Variants in PRICKLE2 observed in about 807,000 individuals in gnomAD.
The protein encoded by PRICKLE2 is prickle planar cell polarity protein 2.
Under a neutral mutation model 81.4 loss-of-function variants are expected in PRICKLE2, and 21 were observed. That is an observed-to-expected ratio of 0.26 (90% confidence interval 0.18 to 0.37). PRICKLE2 has a LOEUF of 0.37. Ranked by LOEUF, PRICKLE2 falls within the 10% of genes least tolerant of loss-of-function variation. The probability of loss-of-function intolerance (pLI) is 1.00; values close to 1 mark genes in which losing one functional copy is unlikely to be tolerated. For synonymous variants in PRICKLE2, 456 were observed against 421.5 expected (o/e 1.08, Z -1.00); for missense variants, 940 against 1,109.0 (o/e 0.85, Z 2.16).
intron 1 of PRICKLE2, among the ~76,000 whole-genome samples, chr3:64,213,138 G>A (rs1355506452): frequency 8.7e-5 from 13 of 149,882 alleles, no homozygotes; most frequent in Admixed American, 2.0e-4. Flanking sequence ...GTGCAATGGC[G>A]CAATCTCGGC....
At position 64,099,966 on chromosome 3, in the gene PRICKLE2, G is replaced by A. The variant is rs775032009; in HGVS notation, c.1661-41C>T. ...GGGGACCACAGAGATTAATACAGATGTGCAGCAATGGGTATCACTGTCACT... is the reference window on the plus strand; with the variant it reads ...GGGGACCACAGAGATTAATACAGATATGCAGCAATGGGTATCACTGTCACT... On this transcript the variant is annotated intron_variant, in intron 7 of 7. Transcript: ENST00000638394. The surrounding 1 kb of genome is among the most constrained non-coding windows in gnomAD (Gnocchi z 4.3). 2.5e-6 allele frequency: 4 copies of A among 1,598,904 alleles called. No homozygotes were observed. Among genetic ancestry groups the A allele is most frequent in the South Asian group, 1.1e-5 (1 of 90,724 alleles).
intron 1 of PRICKLE2, among the ~76,000 whole-genome samples, chr3:64,212,911 C>T (rs768146507): frequency 4.6e-5 from 7 of 152,158 alleles, no homozygotes; most frequent in African/African-American, 9.6e-5. Context: ...GGAAAACAGA[C>T]GGGTGGTGAA....
At chr3:64,142,168 C>A (rs544242284) in intron 7 of PRICKLE2, among the ~76,000 whole-genome samples, 1 of 152,220 alleles carries the variant, frequency 6.6e-6, no homozygotes, top group Admixed American at 6.5e-5. Context: ...AGAATATTAG[C>A]CACCATCTTT....
intron 2 of PRICKLE2, among the ~76,000 whole-genome samples, chr3:64,193,915 C>A (rs1190159404): frequency 2.0e-5 from 3 of 152,192 alleles, no homozygotes; most frequent in Non-Finnish European, 4.4e-5. Flanking sequence ...AATCTCTTTC[C>A]TTTGTAAATT....
At position 64,156,746 on chromosome 3, in the gene PRICKLE2, T is replaced by C. The variant is rs1384022122; in HGVS notation, c.600+416A>G. ...CCTATTTTCTCTTTTCTAATCATTTTGCAGCAGTGAATCTTGGAAAATGAA... is the reference window on the plus strand; with the variant it reads ...CCTATTTTCTCTTTTCTAATCATTTCGCAGCAGTGAATCTTGGAAAATGAA... On this transcript the variant is annotated intron_variant, in intron 5 of 7. Coordinates refer to ENST00000638394, the MANE Select transcript of PRICKLE2 (RefSeq NM_198859.4). Among the ~76,000 whole-genome samples, 3 of 152,226 alleles carry C rather than the reference T, an allele frequency of 2.0e-5. No individual in the cohort carries two copies. In the East Asian group the frequency reaches 5.8e-4, roughly 29 times the overall value.
At position 64,225,327 on chromosome 3, in the gene PRICKLE2, A is replaced by G. The variant is rs1183700930; in HGVS notation, c.-458T>C. 2.0e-6 allele frequency: 2 copies of G among 985,304 alleles called. No individual in the cohort carries two copies. Among genetic ancestry groups the G allele is most frequent in the Admixed American group, 6.1e-5 (1 of 16,268 alleles). 61.0% of individuals were successfully genotyped at this position (985,304 alleles called of 1,614,324 possible). ...GACTCCAGCCCAGCGTCACCAGCTGATCCTGAGCCAGACCCGGGGTGACTA... is the reference window on the plus strand; with the variant it reads ...GACTCCAGCCCAGCGTCACCAGCTGGTCCTGAGCCAGACCCGGGGTGACTA... On this transcript the variant is annotated 5_prime_UTR_variant, in exon 1 of 8. Coordinates refer to ENST00000638394, the MANE Select transcript of PRICKLE2 (RefSeq NM_198859.4).
At chr3:64,219,994 C>A (rs982546862) in intron 1 of PRICKLE2, among the ~76,000 whole-genome samples, 1 of 152,212 alleles carries the variant, frequency 6.6e-6, no homozygotes, top group Non-Finnish European at 1.5e-5. Context: ...ACTCAGTAGG[C>A]GCTCAGTCTG....
chr3:64,162,932 C>T (rs2077757797), intron 3 of PRICKLE2, 84 bp downstream of exon 3: 1 of 901,718 alleles, frequency 1.1e-6, no homozygotes, highest in Non-Finnish European at 1.9e-6. Flanking sequence ...CTTCGGCTAC[C>T]TCATTGGTGG....
chr3:64,095,131 A>AC lies in PRICKLE2; in HGVS notation c.*3919dup, dbSNP rs2076553087. 6.6e-6 allele frequency: 1 copy of AC among 152,302 alleles called. No homozygotes were observed. Among genetic ancestry groups the AC allele is most frequent in the African/African-American group, 2.4e-5 (1 of 41,414 alleles). The allele number at this position is 152,302 out of a possible 1,614,324, so 9.4% of individuals were successfully genotyped here. On this transcript the variant is annotated 3_prime_UTR_variant, in exon 8 of 8. Coordinates refer to ENST00000638394, the MANE Select transcript of PRICKLE2 (RefSeq NM_198859.4). ...GAAGAATAAGATGAAGTCTTACCTC[A>AC]CCTCTGCAAAATGAAGACTGCCTAT...
intron 1 of PRICKLE2, among the ~76,000 whole-genome samples, chr3:64,219,249 T>C (rs932479319): frequency 6.6e-6 from 1 of 152,230 alleles, no homozygotes; most frequent in African/African-American, 2.4e-5. Context: ...AGGTCATGGC[T>C]GGAAGACAAC....
chr3:64,158,747 T>C (rs2077681259), intron 4 of PRICKLE2, among the ~76,000 whole-genome samples: 1 of 152,150 alleles, frequency 6.6e-6, no homozygotes, highest in Non-Finnish European at 1.5e-5. Context: ...TAAGGGTGGG[T>C]CCCAGATATA....
intron 6 of PRICKLE2, among the ~76,000 whole-genome samples, chr3:64,149,508 C>A: frequency 6.6e-6 from 1 of 152,214 alleles, no homozygotes; most frequent in Admixed American, 6.5e-5. Flanking sequence ...GGGAATATAG[C>A]CTCAAGCTAT....
intron 7 of PRICKLE2, among the ~76,000 whole-genome samples, chr3:64,128,135 T>A (rs2077139431): frequency 6.6e-6 from 1 of 151,904 alleles, no homozygotes; most frequent in Non-Finnish European, 1.5e-5. Context: ...GCGTTAGAGG[T>A]GGCAGGAGGA....
At chr3:64,201,447 T>C (rs2078577569) in intron 1 of PRICKLE2, among the ~76,000 whole-genome samples, 1 of 152,248 alleles carries the variant, frequency 6.6e-6, no homozygotes, top group South Asian at 2.1e-4. Context: ...ATAGTGGGTA[T>C]AAAACAGTAT....
At position 64,259,863 on chromosome 3, in the gene PRICKLE2, T is replaced by C. The variant is rs149868839; in HGVS notation, c.129-60896A>G. Among the ~76,000 whole-genome samples, 226 of 152,240 alleles carry C rather than the reference T, an allele frequency of 1.5e-3. 4 individuals carry two copies. Among genetic ancestry groups the C allele is most frequent in the African/African-American group, 5.2e-3 (214 of 41,550 alleles). ...CCCAGAGACAGCCAACACCCTGACTTTCAAACTTCTGGCTTCCAGAACAGT... is the reference window on the plus strand; with the variant it reads ...CCCAGAGACAGCCAACACCCTGACTCTCAAACTTCTGGCTTCCAGAACAGT... On this transcript the variant is annotated intron_variant, in intron 2 of 8. Transcript: ENST00000295902.
intron 5 of PRICKLE2, chr3:64,154,644 G>C (rs548298509): frequency 6.6e-6 from 1 of 152,264 alleles, no homozygotes; most frequent in South Asian, 2.1e-4. Flanking sequence ...TTATGATCTT[G>C]AACTAGGCAA....
intron 7 of PRICKLE2, among the ~76,000 whole-genome samples, chr3:64,118,909 A>C (rs1354966224): frequency 2.6e-5 from 4 of 152,280 alleles, no homozygotes; most frequent in Non-Finnish European, 5.9e-5. Flanking sequence ...ATTATAAAGA[A>C]AGATGCAGGT....
intron 6 of PRICKLE2, among the ~76,000 whole-genome samples, chr3:64,152,473 G>C (rs556180709): frequency 1.2e-4 from 19 of 152,156 alleles, no homozygotes; most frequent in Non-Finnish European, 2.4e-4. Context: ...TCTCAGATCT[G>C]CCACTTATTG....
At chr3:64,136,059 A>G (rs974614243) in intron 7 of PRICKLE2, among the ~76,000 whole-genome samples, 3 of 152,170 alleles carry the variant, frequency 2.0e-5, no homozygotes, top group Admixed American at 6.5e-5. Context: ...TGTAATTAAG[A>G]TATGTATCAT....
Sources: gnomAD v4.1 joint callset for allele counts (sites outside exome capture counted in the v4.1 genomes callset) on GRCh38, gnomAD v4.1.1 for gene constraint, Gnocchi (gnomAD v3.1) non-coding constraint, MANE v1.5 for transcripts, NCBI Gene and HGNC (gene_info 2026-07-23, HGNC 2026-07-21) for gene names.